The following CFAP58 variants were observed in gnomAD, a reference collection of about 807,000 sequenced individuals.
CFAP58 encodes cilia and flagella associated protein 58, also known as cilia- and flagella-associated protein 58.
A neutral mutation model predicts 119.5 loss-of-function variants in CFAP58; 88 were observed. That is an observed-to-expected ratio of 0.74 (90% CI 0.62 to 0.88). The LOEUF (loss-of-function observed/expected upper bound fraction) is 0.88. CFAP58 is among the 40% of genes least tolerant of loss of function. The pLI is 0.00. For synonymous variants in CFAP58, 365 were observed against 366.3 expected, an observed-to-expected ratio of 1.00 and a Z score of 0.04; for missense variants, 990 against 1,021.2, an observed-to-expected ratio of 0.97 and a Z score of 0.42.
chr10:104,359,269 A>G (rs2014636166), intron 2 of CFAP58, among the ~76,000 whole-genome samples: 1 of 152,238 alleles, frequency 6.6e-6, no homozygotes, highest in African/African-American at 2.4e-5. Flanking sequence ...CCTAAATATG[A>G]GAAACAATTT....
intron 15 of CFAP58, among the ~76,000 whole-genome samples, chr10:104,421,051 C>A (rs1176181747): frequency 6.6e-6 from 1 of 152,096 alleles, no homozygotes; most frequent in Admixed American, 6.5e-5. Flanking sequence ...CCGCACCTGG[C>A]CTCCTCCCTT....
intron 15 of CFAP58, among the ~76,000 whole-genome samples, chr10:104,419,562 CTT>C (rs573751667): frequency 1.5e-4 from 21 of 142,964 alleles, no homozygotes; most frequent in Admixed American, 2.1e-4. Flanking sequence ...TATCTGTGTC[CTT>C]TTTTTTTTTT....
At chr10:104,417,097 A>T (rs1564898394) in intron 15 of CFAP58, among the ~76,000 whole-genome samples, 1 of 152,190 alleles carries the variant, frequency 6.6e-6, no homozygotes, top group Non-Finnish European at 1.5e-5. Flanking sequence ...AGGGATTCAG[A>T]TTACTGGTTC....
intron 15 of CFAP58, among the ~76,000 whole-genome samples, chr10:104,416,112 C>T (rs2012548783): frequency 6.6e-6 from 1 of 152,044 alleles, no homozygotes; most frequent in Non-Finnish European, 1.5e-5. Context: ...ATCATCCTGC[C>T]CAGAAAATTT....
rs902151457 is a variant in CFAP58 at position 104,358,025 on chromosome 10, A to G, written c.10-316A>G. On this transcript the variant is annotated intron_variant, in intron 1 of 17. Coordinates refer to ENST00000369704, the MANE Select transcript of CFAP58 (RefSeq NM_001008723.2). ...CATATATACACATATATGTACATAT[A>G]TATACATATGTACATATACACACAT... Among the ~76,000 whole-genome samples, 16 of 144,988 alleles carry G rather than the reference A, an allele frequency of 1.1e-4. 1 individual carries two copies. Among genetic ancestry groups the G allele is most frequent in the African/African-American group, 4.1e-4 (15 of 36,300 alleles).
chr10:104,427,172 G>A (rs2012763860), intron 15 of CFAP58, among the ~76,000 whole-genome samples: 1 of 152,020 alleles, frequency 6.6e-6, no homozygotes, highest in Admixed American at 6.6e-5. Context: ...CAAAGTCGGT[G>A]GTCTAATTGA....
chr10:104,387,407 A>G (rs2011946193), intron 9 of CFAP58, among the ~76,000 whole-genome samples: 1 of 152,204 alleles, frequency 6.6e-6, no homozygotes. Flanking sequence ...GGCACATGTC[A>G]TGTCTCTCTA....
At chr10:104,392,451 C>G in intron 10 of CFAP58, 57 bp downstream of exon 10, 1 of 1,265,160 alleles carries the variant, frequency 7.9e-7, no homozygotes, top group South Asian at 1.6e-5. Context: ...GCATTTAAAA[C>G]AGTTTCTGTT....
chr10:104,451,186 C>T (rs1389116849), intron 17 of CFAP58, among the ~76,000 whole-genome samples: 1 of 152,140 alleles, frequency 6.6e-6, no homozygotes, highest in East Asian at 1.9e-4. Context: ...ATGCTTGGTA[C>T]TTATCCACAT....
At chr10:104,353,185 T>A (rs1209784297), upstream of CFAP58, 1 of 151,920 alleles carries the variant, frequency 6.6e-6, no homozygotes, top group Non-Finnish European at 1.5e-5. Flanking sequence ...GGGAGAGGGG[T>A]CCCAGAAGAG....
chr10:104,348,460 G>C, the CFAP58 span, among the ~76,000 whole-genome samples: 1 of 152,188 alleles, frequency 6.6e-6, no homozygotes, highest in Non-Finnish European at 1.5e-5. Context: ...TTTAAATAAG[G>C]AGCTTTGCAG....
chr10:104,421,325 T>A (rs1275992245), intron 15 of CFAP58, among the ~76,000 whole-genome samples: 1 of 152,128 alleles, frequency 6.6e-6, no homozygotes, highest in Non-Finnish European at 1.5e-5. Flanking sequence ...TCCACACCCA[T>A]GAATGGAAAA....
chr10:104,435,245 G>A (rs2012913922), intron 15 of CFAP58, among the ~76,000 whole-genome samples: 1 of 152,214 alleles, frequency 6.6e-6, no homozygotes, highest in Non-Finnish European at 1.5e-5. Context: ...ACTTTGGGAG[G>A]CCGAGGCGGG....
rs1489895597 is a variant in CFAP58 at position 104,450,066 on chromosome 10, GT to G, written c.2377-3del. The G allele has an allele frequency of 1.3e-6, 2 of 1,589,006 alleles. No individual in the cohort carries two copies. Among genetic ancestry groups the G allele is most frequent in the African/African-American group, 2.7e-5 (2 of 73,228 alleles). On this transcript the variant is annotated splice_region_variant and splice_polypyrimidine_tract_variant and intron_variant, in intron 16 of 17. Coordinates refer to ENST00000369704, the MANE Select transcript of CFAP58 (RefSeq NM_001008723.2). ...TTGTTAATGCTGCTTTATTTGCCAT[GT>G]TAGGTTTTGTCTTCAGAATTGAATA... is the stretch of plus-strand genomic sequence containing the variant.
At chr10:104,415,612 A>G (rs1376555483) in intron 15 of CFAP58, among the ~76,000 whole-genome samples, 2 of 152,130 alleles carry the variant, frequency 1.3e-5, no homozygotes, top group African/African-American at 2.4e-5. Flanking sequence ...GCTCAAAATC[A>G]TGAAATTTAG....
At chr10:104,438,439 AAT>A (rs200688957) in intron 15 of CFAP58, among the ~76,000 whole-genome samples, 4,546 of 138,802 alleles carry the variant, frequency 0.033, 262 homozygotes, top group African/African-American at 0.12. Context: ...GCAGTGGCGC[AAT>A]CTCGGCTCAC....
In CFAP58 at chr10:104,422,205, T is replaced by A. The variant is rs1204338029; in HGVS notation, c.2256+15412T>A. Reference sequence around the variant, plus strand: ...TAAAATAGGATAAAATAAAATAAAATAAAAATTTTAGAAGAGCCTCTAAAG... The same window carrying A: ...TAAAATAGGATAAAATAAAATAAAAAAAAAATTTTAGAAGAGCCTCTAAAG... On this transcript the variant is annotated intron_variant, in intron 15 of 17. Transcript: ENST00000369704. 2.0e-5 allele frequency among the ~76,000 whole-genome samples: 3 copies of A among 152,164 alleles called. No individual in the cohort carries two copies. The East Asian group carries it at 5.8e-4, about 29-fold the overall frequency.
chr10:104,448,402 G>T (rs557294740), intron 16 of CFAP58, among the ~76,000 whole-genome samples: 4 of 152,334 alleles, frequency 2.6e-5, no homozygotes, highest in African/African-American at 2.4e-5. Context: ...GAGATATGGA[G>T]TGTTTTACTT....
intron 15 of CFAP58, among the ~76,000 whole-genome samples, chr10:104,436,426 T>G (rs1418946683): frequency 6.6e-6 from 1 of 152,180 alleles, no homozygotes; most frequent in Non-Finnish European, 1.5e-5. Flanking sequence ...TTTAAGTGGC[T>G]CATCGTTCTG....
Sources: gnomAD v4.1 joint callset for allele counts (sites outside exome capture counted in the v4.1 genomes callset) on GRCh38, gnomAD v4.1.1 for gene constraint, MANE v1.5 for transcripts, NCBI Gene and HGNC (gene_info 2026-07-23, HGNC 2026-07-21) for gene names.